CRYBB1: variants seen among roughly 807,000 people sequenced by gnomAD.
CRYBB1 encodes the protein crystallin beta B1.
In CRYBB1, 16 loss-of-function variants were observed where a neutral mutation model predicts 29.5. The observed-to-expected ratio is 0.54, with a 90% CI of 0.37 to 0.82. The LOEUF (loss-of-function observed/expected upper bound fraction) is 0.82. CRYBB1 is among the 40% of genes least tolerant of loss of function. The pLI is 0.00. For synonymous variants in CRYBB1, 127 were observed against 136.7 expected, an observed-to-expected ratio of 0.93 and a Z score of 0.49; for missense variants, 300 against 350.5, an observed-to-expected ratio of 0.86 and a Z score of 1.15.
At chr22:26,601,196 A>G (rs1928807458) in intron 5 of CRYBB1, among the ~76,000 whole-genome samples, 1 of 152,182 alleles carries the variant, frequency 6.6e-6, no homozygotes. Flanking sequence ...GTTTACCTAG[A>G]GGAGATCAAG....
At position 26,602,135 on chromosome 22, in the gene CRYBB1, G is replaced by A. The variant is rs536964978; in HGVS notation, c.433-114C>T. On this transcript the variant is annotated intron_variant, in intron 4 of 5. Coordinates refer to ENST00000647684, the MANE Select transcript of CRYBB1 (RefSeq NM_001887.4). ...AGAGATGAGCCTGTTCAGGCTGCTG[G>A]GGGACTCTCCAGGGACCACTGCTGT... is the stretch of plus-strand genomic sequence containing the variant. 8 of 1,365,920 alleles carry A rather than the reference G, an allele frequency of 5.9e-6. No individual in the cohort carries two copies. In the South Asian group the frequency reaches 8.4e-5, roughly 14 times the overall value. 84.6% of individuals were successfully genotyped at this position (1,365,920 alleles called of 1,614,324 possible). A position where few individuals can be genotyped will look rare whatever the true frequency, so the allele number is the denominator to read the frequency against.
intron 4 of CRYBB1, 143 bp from the exon 5 acceptor site, chr22:26,602,164 G>T: frequency 9.5e-7 from 1 of 1,052,068 alleles, no homozygotes; most frequent in Non-Finnish European, 1.4e-6. Flanking sequence ...CTGCTGTCTA[G>T]TCTGGAAGGA....
At chr22:26,607,744 A>G in intron 4 of CRYBB1, 145 bp downstream of exon 4, 1 of 1,086,040 alleles carries the variant, frequency 9.2e-7, no homozygotes, top group South Asian at 1.3e-5. Flanking sequence ...TGATGAGCTC[A>G]AGAATCCACG....
chr22:26,615,420 G>T (rs1392529351), intron 2 of CRYBB1, among the ~76,000 whole-genome samples: 1 of 152,158 alleles, frequency 6.6e-6, no homozygotes, highest in Non-Finnish European at 1.5e-5. Flanking sequence ...GTGTGCAGGT[G>T]TAGCCTGATT....
chr22:26,614,331 G>A (rs1929274957), intron 2 of CRYBB1, among the ~76,000 whole-genome samples: 1 of 152,316 alleles, frequency 6.6e-6, no homozygotes, highest in African/African-American at 2.4e-5. Flanking sequence ...ACTGACATGT[G>A]ATGTCTCCCC....
chr22:26,602,362 C>T (rs913006527), intron 4 of CRYBB1, among the ~76,000 whole-genome samples: 5 of 151,932 alleles, frequency 3.3e-5, no homozygotes, highest in African/African-American at 1.2e-4. Flanking sequence ...GGTGGGAGGA[C>T]TGCTTGAGGC....
At chr22:26,602,948 C>A (rs896373637) in intron 4 of CRYBB1, among the ~76,000 whole-genome samples, 1 of 151,160 alleles carries the variant, frequency 6.6e-6, no homozygotes, top group Non-Finnish European at 1.5e-5. Flanking sequence ...ACGATGAAAC[C>A]CCGTCTCTAC....
At chr22:26,617,864 A>G (rs1382628197) in intron 1 of CRYBB1, 113 bp downstream of exon 1, 2 of 152,016 alleles carry the variant, frequency 1.3e-5, no homozygotes, top group Non-Finnish European at 2.9e-5. Context: ...CTTTATCTCC[A>G]TGGCCCTGCT....
intron 4 of CRYBB1, among the ~76,000 whole-genome samples, chr22:26,606,764 T>C (rs1028712958): frequency 5.9e-5 from 9 of 152,164 alleles, no homozygotes; most frequent in African/African-American, 2.2e-4. Context: ...TTCATGAAAA[T>C]TCTTATAAAT....
In CRYBB1 at chr22:26,603,509, G is replaced by A. The variant is rs181955609; in HGVS notation, c.433-1488C>T. 4.0e-3 allele frequency among the ~76,000 whole-genome samples: 603 copies of A among 151,986 alleles called. 3 individuals carry two copies. Among genetic ancestry groups the A allele is most frequent in the Non-Finnish European group, 6.0e-3 (408 of 67,984 alleles). The stretch of plus-strand genomic sequence containing the variant: ...CACACCACTGCACTCCAGCCTGGGC[G>A]ACAGAGCAAGACTGTCTCAAACAAC... On this transcript the variant is annotated intron_variant, in intron 4 of 5. Transcript: ENST00000647684.
intron 2 of CRYBB1, among the ~76,000 whole-genome samples, chr22:26,613,164 G>T (rs4822751): frequency 0.14 from 21,676 of 152,234 alleles, 2,054 homozygotes; most frequent in South Asian, 0.3. Context: ...GGGAAAACTT[G>T]AGCTAATCTT....
chr22:26,615,244 T>TCCACAGGATGCCTTTCAGC (rs1929304996), intron 2 of CRYBB1, among the ~76,000 whole-genome samples: 1 of 152,196 alleles, frequency 6.6e-6, no homozygotes, highest in South Asian at 2.1e-4. Flanking sequence ...GACACCTTGC[T>TCCACAGGATGCCTTTCAGC]CCACAGGATG....
chr22:26,614,144 T>C (rs1276151509), intron 2 of CRYBB1, among the ~76,000 whole-genome samples: 1 of 152,218 alleles, frequency 6.6e-6, no homozygotes, highest in African/African-American at 2.4e-5. Flanking sequence ...ATTTTAATTT[T>C]GCCCCGGTCC....
chr22:26,610,881 C>T (rs2019536816), intron 3 of CRYBB1, among the ~76,000 whole-genome samples: 1 of 152,122 alleles, frequency 6.6e-6, no homozygotes, highest in African/African-American at 2.4e-5. Context: ...GCTTGTCTGA[C>T]CTCAAAGCTC....
intron 2 of CRYBB1, among the ~76,000 whole-genome samples, chr22:26,614,555 C>T (rs970780446): frequency 1.3e-5 from 2 of 152,154 alleles, no homozygotes; most frequent in African/African-American, 2.4e-5. Flanking sequence ...GAGATGGTCA[C>T]GCTCTGAAAT....
In CRYBB1 at chr22:26,612,154, G is replaced by C; in HGVS notation, c.217C>G (p.Arg73Gly). The C allele has an allele frequency of 2.5e-6, 4 of 1,613,884 alleles. No individual in the cohort carries two copies. The highest frequency in any genetic ancestry group is 3.4e-6 in the Non-Finnish European group (4 of 1,179,974). The part of the protein sequence containing the change: ...VFELENFQGR[R>G]AEFSGECSNL... ...GAGCACTCCCCCGAGAATTCTGCTCGACGGCCCTGGAAGTTTTCCAGTTCG... is the reference window on the plus strand; with the variant it reads ...GAGCACTCCCCCGAGAATTCTGCTCCACGGCCCTGGAAGTTTTCCAGTTCG... Residue 73 changes from arginine (R) to glycine (G), a missense_variant, in exon 3 of 6, where the codon CGA becomes GGA. Physicochemically the swap from Arg to Gly is moderately radical, Grantham distance 125 (BLOSUM62 -2). Transcript: ENST00000647684.
chr22:26,605,137 T>C (rs1928936312), intron 4 of CRYBB1, among the ~76,000 whole-genome samples: 2 of 152,212 alleles, frequency 1.3e-5, no homozygotes, highest in South Asian at 4.1e-4. Flanking sequence ...CTGGCTTCCC[T>C]GATGACCCCC....
chr22:26,605,400 G>T, intron 4 of CRYBB1, among the ~76,000 whole-genome samples: 1 of 152,098 alleles, frequency 6.6e-6, no homozygotes, highest in East Asian at 1.9e-4. Context: ...CTGGTTGGGC[G>T]CACTGGCTCA....
intron 3 of CRYBB1, among the ~76,000 whole-genome samples, chr22:26,611,780 G>T (rs961605168): frequency 1.3e-5 from 2 of 152,112 alleles, no homozygotes; most frequent in Non-Finnish European, 2.9e-5. Context: ...GGCCGGGCTA[G>T]AGTTTTTGCT....
Sources: allele counts gnomAD v4.1 joint callset (sites outside exome capture counted in the v4.1 genomes callset), GRCh38; gene constraint gnomAD v4.1.1; transcripts MANE v1.5; gene names NCBI Gene and HGNC (gene_info 2026-07-23, HGNC 2026-07-21).